ENPP3: variants seen among roughly 807,000 people sequenced by gnomAD.
ENPP3 encodes the protein ectonucleotide pyrophosphatase/phosphodiesterase family member 3.
A neutral mutation model predicts 117.8 loss-of-function variants in ENPP3; 104 were observed. The observed-to-expected ratio is 0.88, with a 90% CI of 0.75 to 1.04. The LOEUF is 1.04. Ranked by LOEUF, ENPP3 falls within the 50% of genes least tolerant of loss-of-function variation. ENPP3 has a pLI of 0.00. For synonymous variants in ENPP3, 380 were observed against 349.9 expected (o/e 1.09, Z -0.96); for missense variants, 1,026 against 1,051.9 (o/e 0.98, Z 0.34).
chr6:131,668,046 T>C (rs1476131883), intron 6 of ENPP3, among the ~76,000 whole-genome samples: 1 of 152,102 alleles, frequency 6.6e-6, no homozygotes, highest in Non-Finnish European at 1.5e-5. Flanking sequence ...AAGTTACATA[T>C]AAAATGAAAG....
Position 131,680,831 on chromosome 6 carries a change from C to T in ENPP3, c.1012-2223C>T, listed in dbSNP as rs148880735. 2.5e-3 allele frequency among the ~76,000 whole-genome samples: 379 copies of T among 152,274 alleles called. 4 individuals are homozygous for T. The highest frequency in any genetic ancestry group is 6.1e-3 in the Admixed American group (94 of 15,294). ...CCTTTGGTTGGGTGAGAGTTGGGAA[C>T]TGGCATTTCACATTCTATGGAGTGT... On this transcript the variant is annotated intron_variant, in intron 11 of 24. Coordinates refer to ENST00000357639, the MANE Select transcript of ENPP3 (RefSeq NM_005021.5).
intron 19 of ENPP3, among the ~76,000 whole-genome samples, chr6:131,724,571 A>G (rs965194324): frequency 2.0e-5 from 3 of 152,206 alleles, no homozygotes; most frequent in Non-Finnish European, 4.4e-5. Flanking sequence ...ATTACCTGTT[A>G]TCTTTTAAGT....
At chr6:131,638,487 T>C in intron 1 of ENPP3, 2 of 453,938 alleles carry the variant, frequency 4.4e-6, no homozygotes, top group South Asian at 3.1e-5. Context: ...CACCACAACC[T>C]CTGTTTCCCA....
chr6:131,733,730 A>G lies in ENPP3; in HGVS notation c.2089+7A>G. On this transcript the variant is annotated splice_region_variant and intron_variant, in intron 21 of 24. Transcript: ENST00000357639. Reference sequence around the variant, plus strand: ...GGCTTCCTCTATCCTCCTGGTTAGTAGAACTCTTTTTTAGAGCAGTAGCTT... The same window carrying G: ...GGCTTCCTCTATCCTCCTGGTTAGTGGAACTCTTTTTTAGAGCAGTAGCTT... 6.2e-7 allele frequency: 1 copy of G among 1,613,516 alleles called. No homozygotes were observed. Among genetic ancestry groups the G allele is most frequent in the Non-Finnish European group, 8.5e-7 (1 of 1,179,542 alleles).
rs71710247 is a variant in ENPP3 at position 131,696,769 on chromosome 6, C to CTT, written c.1412+3162_1412+3163dup. Among the ~76,000 whole-genome samples, 1,170 of 132,984 alleles carry CTT rather than the reference C, an allele frequency of 8.8e-3. 19 individuals carry two copies. Among genetic ancestry groups the CTT allele is most frequent in the African/African-American group, 0.03 (993 of 33,470 alleles). 87.2% of individuals were successfully genotyped at this position (132,984 alleles called of 152,430 possible). A position where few individuals can be genotyped will look rare whatever the true frequency, so the allele number is the denominator to read the frequency against. ...TCTCTCAATGATCTACCCAGAGCAC[C>CTT]TTTTTTTTTTTTTTTTTTGAAATGG... On this transcript the variant is annotated intron_variant, in intron 15 of 24. Transcript: ENST00000357639.
intron 11 of ENPP3, among the ~76,000 whole-genome samples, chr6:131,680,094 T>C (rs140449297): frequency 1.8e-4 from 28 of 152,230 alleles, no homozygotes; most frequent in Middle Eastern, 3.4e-3. Flanking sequence ...ATCACTTTTA[T>C]TGTGTAAGAG....
At chr6:131,726,334 G>A in intron 20 of ENPP3, 134 bp downstream of exon 20, 2 of 690,646 alleles carry the variant, frequency 2.9e-6, no homozygotes, top group Non-Finnish European at 4.8e-6. Flanking sequence ...GCAAGACAAT[G>A]TGCAAGTATT....
chr6:131,709,713 C>A lies in ENPP3; in HGVS notation c.1413-8959C>A, dbSNP rs750276692. On this transcript the variant is annotated intron_variant, in intron 15 of 24. Transcript: ENST00000357639. ...ATTCTTCTTCAAGATCTTTGGCTAG[C>A]TTTCTATAGGTCTCCAGCTCTTCAG... 19 of 1,613,778 alleles carry A rather than the reference C, an allele frequency of 1.2e-5. 1 individual carries two copies. Among genetic ancestry groups the A allele is most frequent in the Non-Finnish European group, 1.5e-5 (18 of 1,179,938 alleles).
At chr6:131,672,862 A>G (rs1585646509) in intron 7 of ENPP3, among the ~76,000 whole-genome samples, 1 of 152,120 alleles carries the variant, frequency 6.6e-6, no homozygotes, top group South Asian at 2.1e-4. Flanking sequence ...TTAAATAAAT[A>G]TGTGGGATTG....
intron 17 of ENPP3, among the ~76,000 whole-genome samples, chr6:131,720,637 A>C (rs2114527303): frequency 6.6e-6 from 1 of 152,256 alleles, no homozygotes; most frequent in Admixed American, 6.5e-5. Context: ...GCTGGAGTGC[A>C]GTGGTGTGAT....
At chr6:131,716,479 AAAAT>A (rs1779890099) in intron 15 of ENPP3, among the ~76,000 whole-genome samples, 1 of 151,958 alleles carries the variant, frequency 6.6e-6, no homozygotes, top group African/African-American at 2.4e-5. Flanking sequence ...TGAAAATAGA[AAAAT>A]AACCATAGTA....
chr6:131,671,805 A>G (rs1389537566), intron 7 of ENPP3, among the ~76,000 whole-genome samples: 1 of 152,208 alleles, frequency 6.6e-6, no homozygotes, highest in Non-Finnish European at 1.5e-5. Flanking sequence ...TGATATAAAA[A>G]AGATGTAGGT....
chr6:131,639,265 A>ATATATAT (rs371737976), intron 1 of ENPP3, among the ~76,000 whole-genome samples: 103 of 107,178 alleles, frequency 9.6e-4, no homozygotes, highest in East Asian at 9.1e-3. Flanking sequence ...ATATATATAT[A>ATATATAT]TTTTTTTTTT....
At chr6:131,666,848 G>A (rs755522095) in intron 6 of ENPP3, among the ~76,000 whole-genome samples, 2 of 152,174 alleles carry the variant, frequency 1.3e-5, no homozygotes, top group East Asian at 3.8e-4. Context: ...TTCATGGACC[G>A]GCCTCGTATA....
intron 15 of ENPP3, among the ~76,000 whole-genome samples, chr6:131,706,581 G>A (rs1324811648): frequency 6.6e-6 from 1 of 151,374 alleles, no homozygotes; most frequent in Non-Finnish European, 1.5e-5. Context: ...TTAGCTTTTT[G>A]TAGATGCTTT....
chr6:131,651,350 C>T (rs1282023606), intron 3 of ENPP3, among the ~76,000 whole-genome samples: 1 of 152,164 alleles, frequency 6.6e-6, no homozygotes, highest in Non-Finnish European at 1.5e-5. Flanking sequence ...ATCATTTCCT[C>T]CTTAACAATG....
chr6:131,652,519 A>C (rs772520324), intron 3 of ENPP3, 23 bp from the exon 4 acceptor site: 1 of 1,613,398 alleles, frequency 6.2e-7, no homozygotes, highest in East Asian at 2.2e-5. Context: ...AAATGCTCAG[A>C]ACTGAATTGT....
At chr6:131,683,223 A>G (rs1779066521) in intron 12 of ENPP3, 61 bp downstream of exon 12, 2 of 910,154 alleles carry the variant, frequency 2.2e-6, no homozygotes, top group African/African-American at 1.7e-5. Flanking sequence ...TTCAGAAATC[A>G]TACACAAATA....
chr6:131,646,849 C>T (rs1453451919), intron 2 of ENPP3, among the ~76,000 whole-genome samples: 1 of 149,140 alleles, frequency 6.7e-6, no homozygotes, highest in Non-Finnish European at 1.5e-5. Context: ...TCTTTTTCTG[C>T]TTCTATCTTC....
Sources: allele counts gnomAD v4.1 joint callset (sites outside exome capture counted in the v4.1 genomes callset), GRCh38; gene constraint gnomAD v4.1.1; transcripts MANE v1.5; gene names NCBI Gene and HGNC (gene_info 2026-07-23, HGNC 2026-07-21).